The following PLCL1 variants were observed in gnomAD, a reference collection of about 807,000 sequenced individuals.
The protein encoded by PLCL1 is phospholipase C like 1 (inactive).
In PLCL1, 41 loss-of-function variants were observed where a neutral mutation model predicts 84.4. The ratio of observed to expected loss-of-function variants is 0.49; its 90% CI spans 0.38 to 0.63. PLCL1 has a LOEUF of 0.63. Among genes scored for constraint, PLCL1 ranks in the 30% least tolerant of loss-of-function variants. The pLI is 0.00. For synonymous variants in PLCL1, 490 were observed against 488.3 expected (o/e 1.00, Z -0.05); for missense variants, 1,206 against 1,367.8 (o/e 0.88, Z 1.87).
chr2:198,044,717 A>G (rs958479471), intron 1 of PLCL1, among the ~76,000 whole-genome samples: 1 of 152,214 alleles, frequency 6.6e-6, no homozygotes, highest in African/African-American at 2.4e-5. Context: ...AGAAAAATAG[A>G]AAGAAAATAA....
At chr2:198,024,412 A>G (rs1691214079) in intron 1 of PLCL1, among the ~76,000 whole-genome samples, 1 of 96,742 alleles carries the variant, frequency 1.0e-5, no homozygotes, top group African/African-American at 4.2e-5. Context: ...TAAAAAAAGG[A>G]AAAAAAAGCA....
At chr2:198,066,689 C>A (rs1692328375) in intron 1 of PLCL1, among the ~76,000 whole-genome samples, 1 of 152,148 alleles carries the variant, frequency 6.6e-6, no homozygotes, top group South Asian at 2.1e-4. Flanking sequence ...CAGCCCCCTG[C>A]CACAGCTTCA....
At chr2:197,954,043 G>C (rs1476744370) in intron 1 of PLCL1, among the ~76,000 whole-genome samples, 1 of 152,002 alleles carries the variant, frequency 6.6e-6, no homozygotes, top group Non-Finnish European at 1.5e-5. Flanking sequence ...AAAATTTTCT[G>C]ACTCAACTGT....
chr2:197,917,255 T>C (rs1688615388), intron 1 of PLCL1, among the ~76,000 whole-genome samples: 1 of 152,186 alleles, frequency 6.6e-6, no homozygotes, highest in African/African-American at 2.4e-5. Flanking sequence ...AACAAAAATG[T>C]CCTTTAATAG....
At chr2:198,104,384 T>C (rs1693419282) in intron 5 of PLCL1, among the ~76,000 whole-genome samples, 1 of 152,092 alleles carries the variant, frequency 6.6e-6, no homozygotes, top group African/African-American at 2.4e-5. Flanking sequence ...TTCTTTTTTA[T>C]GGCTGTGTAG....
intron 1 of PLCL1, among the ~76,000 whole-genome samples, chr2:198,012,938 A>G (rs937764397): frequency 6.6e-6 from 1 of 152,062 alleles, no homozygotes; most frequent in Non-Finnish European, 1.5e-5. Flanking sequence ...TTAAACTGAT[A>G]ACAACTTAAC....
intron 1 of PLCL1, among the ~76,000 whole-genome samples, chr2:198,018,412 G>A (rs1691051516): frequency 1.3e-5 from 2 of 152,176 alleles, no homozygotes; most frequent in Admixed American, 1.3e-4. Flanking sequence ...AGGGGCTGAA[G>A]CCAGGGAGCC....
In PLCL1 at chr2:197,998,604, G is replaced by A. The variant is rs145934804; in HGVS notation, c.241-85154G>A. ...AACATAGGAAATTAGGACTGATGAC[G>A]CTGCATCAGAAAAGCTTTTGTTTTC... On this transcript the variant is annotated intron_variant, in intron 1 of 5. Coordinates refer to ENST00000428675, the MANE Select transcript of PLCL1 (RefSeq NM_006226.4). Among the ~76,000 whole-genome samples, 300 of 152,266 alleles carry A rather than the reference G, an allele frequency of 2.0e-3. 1 individual carries two copies. The highest frequency in any genetic ancestry group is 6.5e-3 in the African/African-American group (269 of 41,552).
intron 1 of PLCL1, among the ~76,000 whole-genome samples, chr2:197,938,671 T>C (rs1457719685): frequency 6.6e-6 from 1 of 152,122 alleles, no homozygotes. Context: ...TCAAGGGGAA[T>C]ACCTGGAAGC....
intron 1 of PLCL1, among the ~76,000 whole-genome samples, chr2:197,914,146 A>G (rs532849335): frequency 1.1e-4 from 16 of 152,120 alleles, no homozygotes; most frequent in East Asian, 1.9e-4. Context: ...TGGATCCCCA[A>G]TTAGGGTAAC....
chr2:198,073,881 T>C (rs1692518959), intron 1 of PLCL1, among the ~76,000 whole-genome samples: 1 of 152,216 alleles, frequency 6.6e-6, no homozygotes, highest in Non-Finnish European at 1.5e-5. Context: ...ATTAATGTAT[T>C]ATTTCTTAAG....
chr2:197,951,486 G>T (rs1164311643), intron 1 of PLCL1, among the ~76,000 whole-genome samples: 1 of 152,106 alleles, frequency 6.6e-6, no homozygotes, highest in African/African-American at 2.4e-5. Flanking sequence ...TTTGGCTGTG[G>T]AATTTATAAG....
chr2:197,917,214 G>T (rs999214468), intron 1 of PLCL1, among the ~76,000 whole-genome samples: 3 of 152,160 alleles, frequency 2.0e-5, no homozygotes, highest in Non-Finnish European at 4.4e-5. Context: ...TGTTTTGACA[G>T]CTTTATTAAT....
intron 1 of PLCL1, among the ~76,000 whole-genome samples, chr2:197,942,043 C>A (rs1232329804): frequency 6.6e-6 from 1 of 152,090 alleles, no homozygotes; most frequent in Non-Finnish European, 1.5e-5. Flanking sequence ...TTGATTTGTC[C>A]CATTTCATTG....
intron 4 of PLCL1, among the ~76,000 whole-genome samples, chr2:198,101,805 G>A (rs1335511136): frequency 6.6e-6 from 1 of 151,930 alleles, no homozygotes; most frequent in East Asian, 1.9e-4. Flanking sequence ...TTCTTTTTAA[G>A]TATGGGATGA....
At chr2:198,134,438 A>T (rs1050464663) in intron 5 of PLCL1, among the ~76,000 whole-genome samples, 1 of 152,038 alleles carries the variant, frequency 6.6e-6, no homozygotes, top group African/African-American at 2.4e-5. Flanking sequence ...ATTCATTAAA[A>T]CCTGACTCAT....
At chr2:197,942,029 C>T (rs190247897) in intron 1 of PLCL1, among the ~76,000 whole-genome samples, 1 of 152,282 alleles carries the variant, frequency 6.6e-6, no homozygotes, top group Admixed American at 6.5e-5. Context: ...ACTCTTTTCT[C>T]TCATTGATTT....
chr2:198,060,796 A>T (rs1454150129), intron 1 of PLCL1, among the ~76,000 whole-genome samples: 1 of 152,164 alleles, frequency 6.6e-6, no homozygotes, highest in Non-Finnish European at 1.5e-5. Flanking sequence ...TTGTTATAAA[A>T]TAGTGGTAGA....
At chr2:197,904,784 T>G (rs2105740344) in intron 1 of PLCL1, among the ~76,000 whole-genome samples, 1 of 152,334 alleles carries the variant, frequency 6.6e-6, no homozygotes. Flanking sequence ...ATAATTCTGT[T>G]AATTAGAAAA....
Sources: allele counts gnomAD v4.1 joint callset (sites outside exome capture counted in the v4.1 genomes callset), GRCh38; gene constraint gnomAD v4.1.1; transcripts MANE v1.5; gene names NCBI Gene and HGNC (gene_info 2026-07-23, HGNC 2026-07-21).